ATOH8: variants seen among roughly 807,000 people sequenced by gnomAD.
ATOH8 encodes atonal bHLH transcription factor 8.
In ATOH8, 9 loss-of-function variants were observed where a neutral mutation model predicts 21.2. The observed-to-expected ratio is 0.42, with a 90% confidence interval of 0.26 to 0.74. The LOEUF (loss-of-function observed/expected upper bound fraction) is 0.74. Ranked by LOEUF, ATOH8 falls within the 30% of genes least tolerant of loss-of-function variation. The pLI, the probability that ATOH8 is intolerant of heterozygous loss-of-function variation, is 0.24. For missense variants in ATOH8, 524 were observed against 470.9 expected, an observed-to-expected ratio of 1.11 and a Z score of -1.04; for synonymous variants, 253 against 224.0, an observed-to-expected ratio of 1.13 and a Z score of -1.16.
chr2:85,783,897 A>G (rs1680561733), intron 2 of ATOH8, among the ~76,000 whole-genome samples: 1 of 150,242 alleles, frequency 6.7e-6, no homozygotes, highest in African/African-American at 2.4e-5. Flanking sequence ...TATCATTGGC[A>G]TCTTTGTCTT....
At chr2:85,769,058 G>A (rs1680103908) in intron 2 of ATOH8, among the ~76,000 whole-genome samples, 1 of 152,226 alleles carries the variant, frequency 6.6e-6, no homozygotes, top group Admixed American at 6.5e-5. Flanking sequence ...AGGAGGAGGA[G>A]GGGAAAGAGG....
chr2:85,791,254 C>T lies in ATOH8; in HGVS notation c.*4364C>T, dbSNP rs910102798. ...GGTACGTGTCTAATCTCAGATGGTACTATGAATTCCTGGAGATCAAAGTTT... is the reference window on the plus strand; with the variant it reads ...GGTACGTGTCTAATCTCAGATGGTATTATGAATTCCTGGAGATCAAAGTTT... On this transcript the variant is annotated 3_prime_UTR_variant, in exon 3 of 3. Coordinates refer to ENST00000306279, the MANE Select transcript of ATOH8 (RefSeq NM_032827.7). Among the ~76,000 whole-genome samples the T allele has an allele frequency of 6.6e-6, 1 of 152,226 alleles. No individual in the cohort carries two copies. The highest frequency in any genetic ancestry group is 2.4e-5 in the African/African-American group (1 of 41,462).
At chr2:85,768,765 G>C (rs576619198) in intron 2 of ATOH8, among the ~76,000 whole-genome samples, 2 of 152,156 alleles carry the variant, frequency 1.3e-5, no homozygotes, top group Non-Finnish European at 2.9e-5. Flanking sequence ...AGCCCTCCTC[G>C]GCAGGGGGTG....
chr2:85,763,236 GGTGGAGAGACATATT>G (rs1679915101), intron 1 of ATOH8, among the ~76,000 whole-genome samples: 1 of 152,120 alleles, frequency 6.6e-6, no homozygotes, highest in Non-Finnish European at 1.5e-5. Context: ...CACAAATATT[GGTGGAGAGACATATT>G]AAAAATTAAA....
intron 1 of ATOH8, among the ~76,000 whole-genome samples, chr2:85,755,563 C>T (rs1039198876): frequency 3.3e-5 from 5 of 152,232 alleles, no homozygotes; most frequent in Non-Finnish European, 7.3e-5. Context: ...AGATCCCTTC[C>T]TTTCACCCGT....
chr2:85,769,840 G>A (rs1006449459), intron 2 of ATOH8, among the ~76,000 whole-genome samples: 1 of 152,068 alleles, frequency 6.6e-6, no homozygotes, highest in African/African-American at 2.4e-5. Context: ...GGCCCCTAGG[G>A]TGCCCACCAA....
rs915032368 is a variant in ATOH8 at position 85,754,559 on chromosome 2, C to T, written c.370C>T (p.Pro124Ser). 20 of 1,418,942 alleles carry T rather than the reference C, an allele frequency of 1.4e-5. No homozygotes were observed. The African/African-American group carries it at 3.4e-4, about 24-fold the overall frequency. The allele number at this position is 1,418,942 out of a possible 1,614,324, so 87.9% of individuals were successfully genotyped here. The change falls in exon 1 of 3, where the codon CCG becomes TCG. Residue 124 changes from proline to serine, a missense_variant. By Grantham distance (74) the Pro-to-Ser change is moderately conservative (BLOSUM62 -1). Coordinates refer to ENST00000306279, the MANE Select transcript of ATOH8 (RefSeq NM_032827.7). ...CGCAGTGGGGCCAGGACTCCCCACG[C>T]CGCCGCCGCCGCCGCCTCCTGCGCC... ...LGAVGPGLPT[P>S]PPPPPPAPQS...
rs1285177082 is a variant in ATOH8, at chr2:85,788,713, C to G, written c.*1823C>G. On this transcript the variant is annotated 3_prime_UTR_variant, in exon 3 of 3. Transcript: ENST00000306279. Reference sequence around the variant, plus strand: ...GACACAGTTTGTCCCTTGGTTTCACCAGTGTCACTTTCTCGTCTCTGCTGC... The same window carrying G: ...GACACAGTTTGTCCCTTGGTTTCACGAGTGTCACTTTCTCGTCTCTGCTGC... 2.0e-5 allele frequency among the ~76,000 whole-genome samples: 3 copies of G among 152,184 alleles called. No homozygotes were observed. The highest frequency in any genetic ancestry group is 7.2e-5 in the African/African-American group (3 of 41,446).
intron 1 of ATOH8, among the ~76,000 whole-genome samples, chr2:85,761,243 A>T (rs763152860): frequency 4.6e-5 from 7 of 152,208 alleles, no homozygotes; most frequent in Non-Finnish European, 7.3e-5. Context: ...TTCAGGCTCC[A>T]GCCGGGTCTT....
intron 2 of ATOH8, among the ~76,000 whole-genome samples, chr2:85,765,741 C>T (rs1047223997): frequency 6.6e-6 from 1 of 152,158 alleles, no homozygotes; most frequent in Non-Finnish European, 1.5e-5. Flanking sequence ...CAGAAGCCAG[C>T]GTGGAGGTCC....
chr2:85,760,512 C>G (rs1184143787), intron 1 of ATOH8, among the ~76,000 whole-genome samples: 2 of 152,200 alleles, frequency 1.3e-5, no homozygotes, highest in Non-Finnish European at 2.9e-5. Context: ...CCAAGCAGTT[C>G]ATGCTGGAAA....
intron 2 of ATOH8, among the ~76,000 whole-genome samples, chr2:85,782,328 CAT>C (rs1325942943): frequency 6.6e-6 from 1 of 152,136 alleles, no homozygotes; most frequent in African/African-American, 2.4e-5. Flanking sequence ...AAGTGGGCAT[CAT>C]AGACTGACAA....
At chr2:85,777,798 C>A (rs548843018) in intron 2 of ATOH8, among the ~76,000 whole-genome samples, 1 of 152,188 alleles carries the variant, frequency 6.6e-6, no homozygotes, top group African/African-American at 2.4e-5. Context: ...TCCAGTGGAG[C>A]CTGGCGTGGT....
chr2:85,770,376 C>G (rs1387354408), intron 2 of ATOH8, among the ~76,000 whole-genome samples: 1 of 151,160 alleles, frequency 6.6e-6, no homozygotes, highest in Non-Finnish European at 1.5e-5. Flanking sequence ...AACCCCCTCC[C>G]GGCCCAGTTA....
intron 2 of ATOH8, among the ~76,000 whole-genome samples, chr2:85,782,426 A>G (rs1680519258): frequency 6.6e-6 from 1 of 151,918 alleles, no homozygotes; most frequent in Non-Finnish European, 1.5e-5. Context: ...TGCAGTGCAC[A>G]GAAGTGATCA....
rs527361815 is a variant in ATOH8 at position 85,761,785 on chromosome 2, A to C, written c.769-2206A>C. Among the ~76,000 whole-genome samples the C allele has an allele frequency of 9.8e-5, 15 of 152,320 alleles. No homozygotes were observed. The South Asian group carries it at 2.9e-3, about 29-fold the overall frequency. On this transcript the variant is annotated intron_variant, in intron 1 of 2. Transcript: ENST00000306279. ...CTGAGACCCCCTTCCCTGCCCCAGG[A>C]CTACCAGACCTTGTTTATTTGTTCA...
intron 2 of ATOH8, among the ~76,000 whole-genome samples, chr2:85,770,637 G>A (rs556938080): frequency 6.6e-6 from 1 of 152,246 alleles, no homozygotes; most frequent in Non-Finnish European, 1.5e-5. Context: ...GCCTGGGCTG[G>A]AGGGGTCATT....
At chr2:85,768,912 C>T (rs1409782213) in intron 2 of ATOH8, among the ~76,000 whole-genome samples, 7 of 152,110 alleles carry the variant, frequency 4.6e-5, no homozygotes, top group Non-Finnish European at 8.8e-5. Context: ...GAGAGACGGG[C>T]GGGAGGCCTG....
At chr2:85,772,101 A>C (rs572789980) in intron 2 of ATOH8, among the ~76,000 whole-genome samples, 1 of 152,192 alleles carries the variant, frequency 6.6e-6, no homozygotes, top group South Asian at 2.1e-4. Context: ...TTATGTAAGC[A>C]GCCCGGCTGC....
Sources: allele counts gnomAD v4.1 joint callset (sites outside exome capture counted in the v4.1 genomes callset), GRCh38; gene constraint gnomAD v4.1.1; transcripts MANE v1.5; gene names NCBI Gene and HGNC (gene_info 2026-07-23, HGNC 2026-07-21).